Variants in CIDEA observed in about 807,000 individuals in gnomAD.
The protein encoded by CIDEA is lipid transferase CIDEA.
A neutral mutation model predicts 18.2 loss-of-function variants in CIDEA; 10 were observed. That is an observed-to-expected ratio of 0.55 (90% CI 0.34 to 0.93). CIDEA has a LOEUF of 0.93. Ranked by LOEUF, CIDEA falls within the 40% of genes least tolerant of loss-of-function variation. CIDEA has a pLI of 0.02. For synonymous variants in CIDEA, 128 were observed against 124.8 expected (o/e 1.03, Z -0.17); for missense variants, 309 against 293.1 (o/e 1.05, Z -0.40).
chr18:12,264,299 A>C lies in CIDEA; in HGVS notation c.184-8A>C, dbSNP rs1380865961. The C allele has an allele frequency of 1.9e-6, 3 of 1,589,662 alleles. No homozygotes were observed. The highest frequency in any genetic ancestry group is 2.6e-6 in the Non-Finnish European group (3 of 1,169,852). On this transcript the variant is annotated splice_region_variant and splice_polypyrimidine_tract_variant and intron_variant, in intron 2 of 4. Transcript: ENST00000320477. ...TCACTCCATTTCTCTGATGTGTTGC[A>C]CACCTAGACTCTGGATGCCCTCGTC...
intron 1 of CIDEA, among the ~76,000 whole-genome samples, chr18:12,259,500 G>A (rs1282912713): frequency 6.6e-6 from 1 of 152,172 alleles, no homozygotes. Flanking sequence ...CTGAGCCTCA[G>A]TTTTCTCATC....
intron 1 of CIDEA, among the ~76,000 whole-genome samples, chr18:12,256,662 G>T (rs905415825): frequency 5.9e-5 from 9 of 152,206 alleles, no homozygotes; most frequent in Admixed American, 4.6e-4. Context: ...TAGCTATCTA[G>T]CACATTTTTC....
intron 3 of CIDEA, among the ~76,000 whole-genome samples, chr18:12,266,410 G>A (rs984612017): frequency 1.3e-5 from 2 of 151,860 alleles, no homozygotes; most frequent in African/African-American, 4.8e-5. Context: ...AGTCATGATT[G>A]CACCATTGCA....
chr18:12,254,461 A>G, intron 1 of CIDEA, 40 bp downstream of exon 1: 2 of 1,592,778 alleles, frequency 1.3e-6, no homozygotes, highest in South Asian at 1.1e-5. Flanking sequence ...TGCGCTTCCA[A>G]TCGCCTTGCG....
chr18:12,265,724 G>A (rs371218709), intron 3 of CIDEA, among the ~76,000 whole-genome samples: 24 of 152,138 alleles, frequency 1.6e-4, no homozygotes, highest in Non-Finnish European at 2.1e-4. Flanking sequence ...AGGCAGTTCC[G>A]CTTGGGATGA....
In CIDEA at chr18:12,257,471, T is replaced by A. The variant is rs568525234; in HGVS notation, c.38+3050T>A. ...TTTTAATTCTCTGTACGGCTCAGGT[T>A]TGTTTTACTGGAGAAGAGTTCAGGT... is the stretch of plus-strand genomic sequence containing the variant. On this transcript the variant is annotated intron_variant, in intron 1 of 4. Coordinates refer to ENST00000320477, the MANE Select transcript of CIDEA (RefSeq NM_001279.4). 2.3e-4 allele frequency among the ~76,000 whole-genome samples: 35 copies of A among 152,312 alleles called. No homozygotes were observed. The East Asian group carries it at 6.2e-3, about 27-fold the overall frequency.
chr18:12,274,050 T>C (rs1171493629), intron 3 of CIDEA, 43 bp from the exon 4 acceptor site: 2 of 1,605,588 alleles, frequency 1.2e-6, no homozygotes, highest in African/African-American at 2.7e-5. Context: ...CGTGGGAGGG[T>C]TAGGAAGGCT....
At chr18:12,267,562 CG>C (rs1912386081) in intron 3 of CIDEA, among the ~76,000 whole-genome samples, 1 of 152,222 alleles carries the variant, frequency 6.6e-6, no homozygotes, top group South Asian at 2.1e-4. Context: ...GGCATGATCT[CG>C]GCTCACTGCA....
At chr18:12,268,131 C>G (rs765765390) in intron 3 of CIDEA, among the ~76,000 whole-genome samples, 53 of 151,532 alleles carry the variant, frequency 3.5e-4, no homozygotes, top group Non-Finnish European at 6.6e-4. Context: ...GTGGCGCGAT[C>G]TCGGCTCACT....
chr18:12,273,909 T>C (rs534952994), intron 3 of CIDEA, among the ~76,000 whole-genome samples, 184 bp from the exon 4 acceptor site: 3 of 152,334 alleles, frequency 2.0e-5, no homozygotes, highest in African/African-American at 7.2e-5. Flanking sequence ...CGTGGCTAAT[T>C]GGACACAGTC....
intron 1 of CIDEA, among the ~76,000 whole-genome samples, chr18:12,260,865 C>T (rs187869180): frequency 2.0e-5 from 3 of 152,208 alleles, no homozygotes; most frequent in African/African-American, 4.8e-5. Flanking sequence ...CTTGAATGTC[C>T]GTGTACAAGC....
At chr18:12,272,146 GTGT>G (rs1394675417) in intron 3 of CIDEA, among the ~76,000 whole-genome samples, 656 of 15,474 alleles carry the variant, frequency 0.042, 13 homozygotes, top group African/African-American at 0.089. Flanking sequence ...TTGAGTGTGT[GTGT>G]GGGGGGGGGG....
chr18:12,275,874 C>G (rs1233200903), intron 4 of CIDEA, among the ~76,000 whole-genome samples: 1 of 152,018 alleles, frequency 6.6e-6, no homozygotes, highest in East Asian at 1.9e-4. Flanking sequence ...GAGAAAATAG[C>G]TTTACACTTG....
Position 12,277,200 on chromosome 18 carries a change from G to A in CIDEA, c.590G>A (p.Arg197Gln), listed in dbSNP as rs149134551. The A allele has an allele frequency of 8.9e-5, 144 of 1,614,062 alleles. 2 individuals carry two copies. Among genetic ancestry groups the A allele is most frequent in the South Asian group, 6.3e-4 (57 of 91,088 alleles). Residue 197 changes from arginine (R) to glutamine (Q), a missense_variant, in exon 5 of 5, where the codon CGG (arginine) becomes CAG (glutamine). Physicochemically the swap from Arg to Gln is conservative, Grantham distance 43. Transcript: ENST00000320477. ...FLIYLGTYMLRVLDDKEERPS... is the reference protein window; with the variant it reads ...FLIYLGTYMLQVLDDKEERPS... ...ATCTATCTGGGCACATACATGCTCC[G>A]GGTGCTGGATGACAAGGAAGAGCGG...
intron 1 of CIDEA, among the ~76,000 whole-genome samples, chr18:12,259,417 C>T (rs1912128200): frequency 6.6e-6 from 1 of 152,222 alleles, no homozygotes; most frequent in Non-Finnish European, 1.5e-5. Context: ...CAAAAAAAGT[C>T]TTGGCTTTGG....
At chr18:12,271,705 G>A (rs915117959) in intron 3 of CIDEA, among the ~76,000 whole-genome samples, 1 of 152,110 alleles carries the variant, frequency 6.6e-6, no homozygotes, top group Non-Finnish European at 1.5e-5. Context: ...ACGCGCTCCA[G>A]GGGGCTCGCG....
chr18:12,277,541 G>C lies in CIDEA; in HGVS notation c.*271G>C. 2.5e-6 allele frequency: 1 copy of C among 397,690 alleles called. No homozygotes were observed. The highest frequency in any genetic ancestry group is 4.6e-6 in the Non-Finnish European group (1 of 218,206). The allele number at this position is 397,690 out of a possible 1,614,324, so 24.6% of individuals were successfully genotyped here. ...TGCCCAGGAGCGTGTGCATGTGTCAGAGCCATTTGGTCCATCATCTCCTGC... is the reference window on the plus strand; with the variant it reads ...TGCCCAGGAGCGTGTGCATGTGTCACAGCCATTTGGTCCATCATCTCCTGC... On this transcript the variant is annotated 3_prime_UTR_variant, in exon 5 of 5. Coordinates refer to ENST00000320477, the MANE Select transcript of CIDEA (RefSeq NM_001279.4).
intron 1 of CIDEA, among the ~76,000 whole-genome samples, chr18:12,257,088 A>G (rs1912059169): frequency 6.6e-6 from 1 of 152,116 alleles, no homozygotes; most frequent in South Asian, 2.1e-4. Context: ...TCTACAGCTC[A>G]GGGACTCTTC....
At chr18:12,270,914 T>TTTTTTTTTTTTTTTTTTTTTTC in intron 3 of CIDEA, among the ~76,000 whole-genome samples, 1 of 144,708 alleles carries the variant, frequency 6.9e-6, no homozygotes, top group Admixed American at 7.0e-5. Flanking sequence ...TTTTTTTTTT[T>TTTTTTTTTTTTTTTTTTTTTTC]TTTGAGACAG....
Sources: gnomAD v4.1 joint callset for allele counts (sites outside exome capture counted in the v4.1 genomes callset) on GRCh38, gnomAD v4.1.1 for gene constraint, MANE v1.5 for transcripts, NCBI Gene and HGNC (gene_info 2026-07-23, HGNC 2026-07-21) for gene names.